Variants in HEPHL1 observed in about 807,000 individuals in gnomAD.
HEPHL1 encodes the protein hephaestin like 1, also known as ferroxidase HEPHL1.
In HEPHL1, 123 loss-of-function variants were observed where a neutral mutation model predicts 122.0. That is an observed-to-expected ratio of 1.01 (90% confidence interval 0.87 to 1.17). The LOEUF (loss-of-function observed/expected upper bound fraction) is 1.17. Ranked by LOEUF, HEPHL1 falls within the 50% of genes most tolerant of loss-of-function variation. The pLI is 0.00. For synonymous variants in HEPHL1, 527 were observed against 508.9 expected (o/e 1.04, Z -0.48); for missense variants, 1,452 against 1,430.5 (o/e 1.01, Z -0.24).
chr11:94,032,561 T>C (rs1945684754), intron 1 of HEPHL1, among the ~76,000 whole-genome samples: 1 of 152,134 alleles, frequency 6.6e-6, no homozygotes, highest in African/African-American at 2.4e-5. Context: ...GTCCCAACAG[T>C]CTTTGGGAGG....
At chr11:94,048,113 C>T (rs1945856678) in intron 2 of HEPHL1, among the ~76,000 whole-genome samples, 2 of 152,110 alleles carry the variant, frequency 1.3e-5, no homozygotes, top group Admixed American at 6.5e-5. Context: ...GCTTATTTCA[C>T]TTAGCATAAT....
chr11:94,056,709 A>C (rs992542767), intron 2 of HEPHL1, among the ~76,000 whole-genome samples: 3 of 144,628 alleles, frequency 2.1e-5, no homozygotes, highest in African/African-American at 7.7e-5. Context: ...ATCTATCTAT[A>C]ATGCCCTTCT....
At chr11:94,093,156 G>A (rs1263308632) in intron 12 of HEPHL1, among the ~76,000 whole-genome samples, 2 of 151,912 alleles carry the variant, frequency 1.3e-5, no homozygotes, top group African/African-American at 2.4e-5. Flanking sequence ...AGATGCAAGT[G>A]TGTAAGGTTA....
chr11:94,048,994 G>A (rs746327373), intron 2 of HEPHL1, among the ~76,000 whole-genome samples: 96 of 152,066 alleles, frequency 6.3e-4, no homozygotes, highest in Non-Finnish European at 1.1e-3. Flanking sequence ...TGTGGCACAT[G>A]CCTATAACCC....
intron 2 of HEPHL1, chr11:94,055,465 T>A: frequency 4.2e-6 from 1 of 237,546 alleles, no homozygotes; most frequent in Middle Eastern, 1.6e-3. Context: ...AACATGAGGA[T>A]CTTTTCACAT....
At chr11:94,079,356 C>A (rs1946150750) in intron 9 of HEPHL1, among the ~76,000 whole-genome samples, 1 of 152,086 alleles carries the variant, frequency 6.6e-6, no homozygotes, top group Non-Finnish European at 1.5e-5. Context: ...ATATTTTGAT[C>A]CTTTATGTTC....
At chr11:94,056,782 AAAAAT>A (rs1201413091) in intron 2 of HEPHL1, among the ~76,000 whole-genome samples, 2 of 152,104 alleles carry the variant, frequency 1.3e-5, no homozygotes, top group African/African-American at 2.4e-5. Flanking sequence ...ATGACTTTTA[AAAAAT>A]AAAATAAAGG....
intron 18 of HEPHL1, among the ~76,000 whole-genome samples, chr11:94,111,280 G>C (rs1946446458): frequency 6.6e-6 from 1 of 152,184 alleles, no homozygotes; most frequent in Non-Finnish European, 1.5e-5. Flanking sequence ...GAGTGAATGG[G>C]TAACAGTTGG....
At chr11:94,029,365 C>T (rs755658164) in intron 1 of HEPHL1, among the ~76,000 whole-genome samples, 9 of 152,140 alleles carry the variant, frequency 5.9e-5, no homozygotes, top group South Asian at 2.1e-4. Flanking sequence ...AGAAGTGACA[C>T]GTGGCATTTC....
At chr11:94,110,420 C>T (rs1042246066) in intron 17 of HEPHL1, among the ~76,000 whole-genome samples, 2 of 152,280 alleles carry the variant, frequency 1.3e-5, no homozygotes, top group African/African-American at 4.8e-5. Flanking sequence ...TCCAAACTTA[C>T]TGATATGGTT....
chr11:94,065,641 G>A (rs763228267), intron 4 of HEPHL1, among the ~76,000 whole-genome samples: 1 of 152,154 alleles, frequency 6.6e-6, no homozygotes, highest in East Asian at 1.9e-4. Context: ...AAGGCAGGGA[G>A]GCAGAGAAAA....
At chr11:94,064,690 G>C (rs1258812861) in intron 4 of HEPHL1, among the ~76,000 whole-genome samples, 180 bp downstream of exon 4, 1 of 152,146 alleles carries the variant, frequency 6.6e-6, no homozygotes, top group Non-Finnish European at 1.5e-5. Flanking sequence ...CAATCTGAGG[G>C]GGACAGAGCA....
At chr11:94,028,346 AGATGCAGAGGTCATGG>A (rs1945644493) in intron 1 of HEPHL1, among the ~76,000 whole-genome samples, 1 of 152,222 alleles carries the variant, frequency 6.6e-6, no homozygotes, top group African/African-American at 2.4e-5. Flanking sequence ...TCCCTCTAAA[AGATGCAGAGGTCATGG>A]GATTGCTGGG....
intron 1 of HEPHL1, among the ~76,000 whole-genome samples, chr11:94,042,439 G>C (rs1479027613): frequency 7.1e-6 from 1 of 140,624 alleles, no homozygotes; most frequent in Non-Finnish European, 1.5e-5. Flanking sequence ...TGTTTATTGC[G>C]GCATTATTCA....
chr11:94,089,977 G>A (rs143557394), intron 12 of HEPHL1, among the ~76,000 whole-genome samples: 151 of 151,718 alleles, frequency 1.0e-3, no homozygotes, highest in Middle Eastern at 6.8e-3. Flanking sequence ...GACATCCTCC[G>A]TGGCTGCGAG....
chr11:94,092,147 T>C (rs780167858), intron 12 of HEPHL1, among the ~76,000 whole-genome samples: 4 of 152,164 alleles, frequency 2.6e-5, no homozygotes, highest in Non-Finnish European at 5.9e-5. Flanking sequence ...TACAAGTGGC[T>C]GAGATAAGAA....
At chr11:94,046,091 C>CTTTTTTTTCTTTTTTTTTT (rs1945834436) in intron 2 of HEPHL1, among the ~76,000 whole-genome samples, 174 bp downstream of exon 2, 1 of 65,046 alleles carries the variant, frequency 1.5e-5, no homozygotes, top group Non-Finnish European at 2.6e-5. Context: ...CCCTTTCTTG[C>CTTTTTTTTCTTTTTTTTTT]TTTTTTTTTT....
rs115041760 is a variant in HEPHL1, at chr11:94,114,203, C to A, written c.*2309C>A. 5.8e-3 allele frequency among the ~76,000 whole-genome samples: 885 copies of A among 152,290 alleles called. 11 individuals are homozygous for A. The highest frequency in any genetic ancestry group is 0.02 in the African/African-American group (823 of 41,562). On this transcript the variant is annotated 3_prime_UTR_variant, in exon 20 of 20. Coordinates refer to ENST00000315765, the MANE Select transcript of HEPHL1 (RefSeq NM_001098672.2). The stretch of plus-strand genomic sequence containing the variant: ...TGTGCTGTCTTATTTAACTCTATAA[C>A]CCCCTCCGACACAGTTTCTCTCTTC...
intron 13 of HEPHL1, among the ~76,000 whole-genome samples, chr11:94,099,735 A>G (rs559795654): frequency 6.6e-6 from 1 of 152,132 alleles, no homozygotes; most frequent in Admixed American, 6.5e-5. Flanking sequence ...CCCCAGCCTC[A>G]CTGCCACCTT....
Sources: allele counts gnomAD v4.1 joint callset (sites outside exome capture counted in the v4.1 genomes callset), GRCh38; gene constraint gnomAD v4.1.1; transcripts MANE v1.5; gene names NCBI Gene and HGNC (gene_info 2026-07-23, HGNC 2026-07-21).